DLGAP1: variants seen among roughly 807,000 people sequenced by gnomAD.
The protein encoded by DLGAP1 is DLG associated protein 1.
Under a neutral mutation model 90.8 loss-of-function variants are expected in DLGAP1, and 11 were observed. That is an observed-to-expected ratio of 0.12 (90% CI 0.08 to 0.20). The LOEUF is 0.20. Ranked by LOEUF, DLGAP1 falls within the 10% of genes least tolerant of loss-of-function variation. The pLI is 1.00. For missense variants in DLGAP1, 1,050 were observed against 1,333.8 expected, an observed-to-expected ratio of 0.79 and a Z score of 3.31; for synonymous variants, 558 against 540.7, an observed-to-expected ratio of 1.03 and a Z score of -0.44.
intron 7 of DLGAP1, among the ~76,000 whole-genome samples, chr18:3,628,099 C>T (rs572945637): frequency 3.3e-5 from 5 of 151,940 alleles, no homozygotes; most frequent in Admixed American, 2.6e-4. Context: ...TGGTCTCGAT[C>T]TCCTGACCTC....
chr18:3,937,447 T>C (rs1371919055), intron 3 of DLGAP1, among the ~76,000 whole-genome samples: 1 of 152,082 alleles, frequency 6.6e-6, no homozygotes, highest in African/African-American at 2.4e-5. Context: ...TTCACTACCA[T>C]GAGAACAGTA....
At position 3,959,523 on chromosome 18, in the gene DLGAP1, C is replaced by T. The variant is rs548133775; in HGVS notation, c.-73+45593G>A. 4.3e-4 allele frequency among the ~76,000 whole-genome samples: 66 copies of T among 152,008 alleles called. 1 individual carries two copies. The highest frequency in any genetic ancestry group is 2.1e-3 in the South Asian group (10 of 4,812). ...CTCCCCTAAAAATACAAAAAGTAGCCGGACGTGGTGTCGCGTGTCTGTGAT... is the reference window on the plus strand; with the variant it reads ...CTCCCCTAAAAATACAAAAAGTAGCTGGACGTGGTGTCGCGTGTCTGTGAT... On this transcript the variant is annotated intron_variant, in intron 3 of 12. Coordinates refer to ENST00000315677, the MANE Select transcript of DLGAP1 (RefSeq NM_004746.4).
chr18:4,224,244 G>C (rs2078138596), intron 1 of DLGAP1, among the ~76,000 whole-genome samples: 1 of 152,238 alleles, frequency 6.6e-6, no homozygotes, highest in Non-Finnish European at 1.5e-5. Context: ...GTGAGACTCT[G>C]AGATGTGCTG....
chr18:4,232,050 G>A (rs986172597), intron 1 of DLGAP1, among the ~76,000 whole-genome samples: 9 of 152,156 alleles, frequency 5.9e-5, no homozygotes, highest in African/African-American at 2.2e-4. Flanking sequence ...AGTTTACTAA[G>A]AGGTGAGCTT....
chr18:3,776,057 C>T (rs780119876), intron 5 of DLGAP1, among the ~76,000 whole-genome samples: 1 of 152,160 alleles, frequency 6.6e-6, no homozygotes, highest in Non-Finnish European at 1.5e-5. Flanking sequence ...TTCCCACCCC[C>T]ATCCGGCACA....
intron 1 of DLGAP1, among the ~76,000 whole-genome samples, chr18:4,358,211 A>T (rs2081562953): frequency 6.6e-6 from 1 of 152,232 alleles, no homozygotes; most frequent in Non-Finnish European, 1.5e-5. Context: ...ATGCAAACAA[A>T]CAGATAAACA....
chr18:3,987,214 T>C (rs7228485), intron 3 of DLGAP1, among the ~76,000 whole-genome samples: 2,194 of 152,258 alleles, frequency 0.014, 49 homozygotes, highest in African/African-American at 0.05. Context: ...GGTTCCAAAG[T>C]TGCCTCAAGG....
intron 9 of DLGAP1, among the ~76,000 whole-genome samples, chr18:3,558,848 T>C (rs113798618): frequency 0.024 from 3,620 of 152,340 alleles, 63 homozygotes; most frequent in Non-Finnish European, 0.039. Flanking sequence ...ATGATATATG[T>C]AAAATACTAA....
chr18:4,098,203 C>T (rs372151781), intron 2 of DLGAP1, among the ~76,000 whole-genome samples: 48 of 152,256 alleles, frequency 3.2e-4, no homozygotes, highest in African/African-American at 1.1e-3. Flanking sequence ...CAGGAGCTAC[C>T]GTGCCCAGCT....
At chr18:3,910,861 TA>T (rs1332917584) in intron 3 of DLGAP1, among the ~76,000 whole-genome samples, 2 of 151,910 alleles carry the variant, frequency 1.3e-5, no homozygotes, top group Non-Finnish European at 2.9e-5. Context: ...CAACAGTGTC[TA>T]AAAAAAATGA....
At chr18:3,874,476 C>A in intron 4 of DLGAP1, 1 of 1,436,300 alleles carries the variant, frequency 7.0e-7, no homozygotes, top group East Asian at 2.5e-5. Context: ...ACTCAACATA[C>A]AACATTTACA....
At chr18:3,772,350 T>TTCTTTCTTTCTTTCTTTCTTTCTTTC (rs2064671206) in intron 5 of DLGAP1, among the ~76,000 whole-genome samples, 2 of 2,022 alleles carry the variant, frequency 9.9e-4, no homozygotes, top group African/African-American at 2.6e-3. Flanking sequence ...CTCTCTCTCT[T>TTCTTTCTTTCTTTCTTTCTTTCTTTC]TCTTTCTTTC....
chr18:3,874,065 C>A, intron 4 of DLGAP1: 1 of 1,532,690 alleles, frequency 6.5e-7, no homozygotes, highest in Non-Finnish European at 8.8e-7. Flanking sequence ...ATCACAAATA[C>A]TACCCCTTCC....
intron 10 of DLGAP1, among the ~76,000 whole-genome samples, chr18:3,521,938 A>T (rs909209382): frequency 2.0e-5 from 3 of 152,110 alleles, no homozygotes; most frequent in Non-Finnish European, 2.9e-5. Flanking sequence ...TATAGTGTTG[A>T]CTAATTAGCT....
At chr18:4,360,847 G>A (rs2081615856) in intron 1 of DLGAP1, among the ~76,000 whole-genome samples, 1 of 152,110 alleles carries the variant, frequency 6.6e-6, no homozygotes, top group African/African-American at 2.4e-5. Context: ...AGGCATGGTG[G>A]CGGGCACCTG....
At chr18:3,812,095 G>A (rs2066873684) in intron 5 of DLGAP1, among the ~76,000 whole-genome samples, 1 of 152,178 alleles carries the variant, frequency 6.6e-6, no homozygotes, top group Admixed American at 6.5e-5. Context: ...GAGGTTGCCG[G>A]TTTAAGTGAC....
intron 1 of DLGAP1, among the ~76,000 whole-genome samples, chr18:4,210,789 C>A (rs911686047): frequency 6.6e-6 from 1 of 152,126 alleles, no homozygotes; most frequent in African/African-American, 2.4e-5. Context: ...TGGATGGAGA[C>A]TAAAGATCTA....
chr18:3,661,801 C>T (rs1273826926), intron 7 of DLGAP1, among the ~76,000 whole-genome samples: 1 of 151,724 alleles, frequency 6.6e-6, no homozygotes, highest in Non-Finnish European at 1.5e-5. Flanking sequence ...AGGCTGGTCT[C>T]GAACTCCTGA....
chr18:3,994,979 T>C (rs1471779601), intron 3 of DLGAP1, among the ~76,000 whole-genome samples: 1 of 152,236 alleles, frequency 6.6e-6, no homozygotes, highest in Non-Finnish European at 1.5e-5. Flanking sequence ...GTCTGAGGTG[T>C]AAATGTTTAC....
Sources: gnomAD v4.1 joint callset for allele counts (sites outside exome capture counted in the v4.1 genomes callset) on GRCh38, gnomAD v4.1.1 for gene constraint, MANE v1.5 for transcripts, NCBI Gene and HGNC (gene_info 2026-07-23, HGNC 2026-07-21) for gene names.